Variants in NEK11 observed in about 807,000 individuals in gnomAD.
The protein encoded by NEK11 is serine/threonine-protein kinase Nek11.
NEK11 carries 72 observed loss-of-function variants against 80.7 expected under a neutral mutation model. That is an observed-to-expected ratio of 0.89 (90% confidence interval 0.74 to 1.08). The LOEUF is 1.08. NEK11 is among the 50% of genes least tolerant of loss of function. The probability of loss-of-function intolerance (pLI) is 0.00; values close to 1 mark genes in which losing one functional copy is unlikely to be tolerated. For synonymous variants in NEK11, 251 were observed against 260.7 expected, an observed-to-expected ratio of 0.96 and a Z score of 0.36; for missense variants, 764 against 763.6, an observed-to-expected ratio of 1.00 and a Z score of -0.01.
At chr3:131,348,741 G>A (rs903799781) in intron 17 of NEK11, among the ~76,000 whole-genome samples, 2 of 151,192 alleles carry the variant, frequency 1.3e-5, no homozygotes, top group Non-Finnish European at 2.9e-5. Context: ...CTGGAAGTGT[G>A]GAAAAAATGA....
At chr3:131,208,133 AATTTTTGTACAAG>A (rs2094499359) in intron 14 of NEK11, among the ~76,000 whole-genome samples, 1 of 152,126 alleles carries the variant, frequency 6.6e-6, no homozygotes, top group Non-Finnish European at 1.5e-5. Context: ...ATCTTGCATT[AATTTTTGTACAAG>A]GTGTAAGGAA....
chr3:131,262,014 G>A (rs944140555), intron 16 of NEK11, among the ~76,000 whole-genome samples: 1 of 151,976 alleles, frequency 6.6e-6, no homozygotes, highest in South Asian at 2.1e-4. Context: ...AAAAAAATAG[G>A]TTCTTTGTAA....
At chr3:131,107,329 G>A (rs1406138962) in intron 4 of NEK11, among the ~76,000 whole-genome samples, 3 of 151,354 alleles carry the variant, frequency 2.0e-5, no homozygotes, top group African/African-American at 4.8e-5. Context: ...GACATACGTC[G>A]TGCACATGTA....
chr3:131,198,469 T>G (rs2094110187), intron 14 of NEK11, among the ~76,000 whole-genome samples: 1 of 152,210 alleles, frequency 6.6e-6, no homozygotes, highest in African/African-American at 2.4e-5. Flanking sequence ...TAAACAGTTG[T>G]CTGACAGCCA....
intron 17 of NEK11, among the ~76,000 whole-genome samples, chr3:131,331,337 T>C (rs1561574358): frequency 6.6e-6 from 1 of 152,250 alleles, no homozygotes; most frequent in African/African-American, 2.4e-5. Context: ...TTTTAAGTTC[T>C]GATGCTTTAA....
chr3:131,347,878 G>A (rs2097388072), intron 17 of NEK11, among the ~76,000 whole-genome samples: 1 of 151,652 alleles, frequency 6.6e-6, no homozygotes, highest in Non-Finnish European at 1.5e-5. Flanking sequence ...GGCAGAGGAT[G>A]CAGTGAGCTG....
At chr3:131,191,176 T>C (rs767979262) in intron 14 of NEK11, among the ~76,000 whole-genome samples, 1 of 152,184 alleles carries the variant, frequency 6.6e-6, no homozygotes, top group Non-Finnish European at 1.5e-5. Context: ...AAAATAATAC[T>C]GTATTGATTT....
intron 4 of NEK11, among the ~76,000 whole-genome samples, chr3:131,096,804 A>G (rs2077500902): frequency 6.6e-6 from 1 of 151,774 alleles, no homozygotes; most frequent in Non-Finnish European, 1.5e-5. Context: ...TTACATATGT[A>G]TACATGTACC....
At chr3:131,121,633 C>G (rs1257084754) in intron 5 of NEK11, among the ~76,000 whole-genome samples, 2 of 152,316 alleles carry the variant, frequency 1.3e-5, no homozygotes, top group African/African-American at 4.8e-5. Flanking sequence ...GTGGGCTCCA[C>G]CCAGTTTGAG....
intron 14 of NEK11, chr3:131,184,870 C>T (rs2093532874): frequency 3.0e-6 from 1 of 336,776 alleles, no homozygotes; most frequent in African/African-American, 2.1e-5. Flanking sequence ...AAGTCACCAA[C>T]AGTTTAAAAA....
At chr3:131,133,192 A>T (rs2084848703) in intron 6 of NEK11, 1 of 445,996 alleles carries the variant, frequency 2.2e-6, no homozygotes, top group Admixed American at 2.5e-5. Context: ...ATCACAAGCA[A>T]TAAGTGGTTA....
At chr3:131,080,039 TTGTGTGTG>T (rs34144326) in intron 3 of NEK11, among the ~76,000 whole-genome samples, 1,494 of 148,948 alleles carry the variant, frequency 0.01, 25 homozygotes, top group South Asian at 0.062. Flanking sequence ...GTGTGTGTGT[TTGTGTGTG>T]TGTGTGTGTG....
At chr3:131,232,302 G>A (rs1038698804) in intron 15 of NEK11, among the ~76,000 whole-genome samples, 2 of 152,154 alleles carry the variant, frequency 1.3e-5, no homozygotes, top group African/African-American at 4.8e-5. Flanking sequence ...AATGGACATG[G>A]CTTAGGGCTA....
chr3:131,146,376 T>G (rs1469568825), intron 7 of NEK11, among the ~76,000 whole-genome samples: 3 of 152,064 alleles, frequency 2.0e-5, no homozygotes, highest in East Asian at 1.9e-4. Context: ...AATACCAACA[T>G]GAGCTGATCT....
intron 16 of NEK11, among the ~76,000 whole-genome samples, chr3:131,266,377 A>G (rs1248590993): frequency 6.6e-6 from 1 of 152,138 alleles, no homozygotes; most frequent in Non-Finnish European, 1.5e-5. Context: ...ACACTGCTTT[A>G]GCTGTGTCCC....
chr3:131,122,295 A>C (rs1424841631), intron 5 of NEK11, among the ~76,000 whole-genome samples: 1 of 152,188 alleles, frequency 6.6e-6, no homozygotes, highest in Non-Finnish European at 1.5e-5. Context: ...GTGTTACTGG[A>C]GATTCCTGCT....
chr3:131,099,557 C>T (rs2078041890), intron 4 of NEK11, among the ~76,000 whole-genome samples: 1 of 152,096 alleles, frequency 6.6e-6, no homozygotes, highest in South Asian at 2.1e-4. Flanking sequence ...TTGCTTAGGG[C>T]AGTATGGCTA....
At chr3:131,055,951 TCTTA>T (rs2069394846) in intron 3 of NEK11, among the ~76,000 whole-genome samples, 1 of 152,196 alleles carries the variant, frequency 6.6e-6, no homozygotes, top group Admixed American at 6.5e-5. Context: ...GATACAGTAT[TCTTA>T]CTTATGTTTA....
intron 17 of NEK11, among the ~76,000 whole-genome samples, chr3:131,333,602 A>G (rs1342715559): frequency 2.6e-4 from 40 of 152,164 alleles, no homozygotes; most frequent in African/African-American, 9.4e-4. Flanking sequence ...GACAGGATCA[A>G]ATTCACACAT....
Sources: allele counts gnomAD v4.1 joint callset (sites outside exome capture counted in the v4.1 genomes callset), GRCh38; gene constraint gnomAD v4.1.1; transcripts MANE v1.5; gene names NCBI Gene and HGNC (gene_info 2026-07-23, HGNC 2026-07-21).